The following TNKS variants were observed in gnomAD, a reference collection of about 807,000 sequenced individuals.
The protein encoded by TNKS is poly [ADP-ribose] polymerase tankyrase-1.
A neutral mutation model predicts 135.8 loss-of-function variants in TNKS; 72 were observed. The ratio of observed to expected loss-of-function variants is 0.53; its 90% confidence interval spans 0.44 to 0.64. TNKS has a LOEUF of 0.64. Ranked by LOEUF, TNKS falls within the 30% of genes least tolerant of loss-of-function variation. The pLI is 0.00. For synonymous variants in TNKS, 849 were observed against 649.3 expected, an observed-to-expected ratio of 1.31 and a Z score of -4.68; for missense variants, 1,769 against 1,674.0, an observed-to-expected ratio of 1.06 and a Z score of -0.99.
chr8:9,770,289 C>A (rs776547317), intron 26 of TNKS, 27 bp downstream of exon 26: 11 of 1,591,958 alleles, frequency 6.9e-6, no homozygotes, highest in Non-Finnish European at 9.4e-6. Flanking sequence ...ACAAGCATAA[C>A]CAAGTTCACA....
chr8:9,588,907 A>C (rs893087417), intron 2 of TNKS, among the ~76,000 whole-genome samples: 1 of 152,214 alleles, frequency 6.6e-6, no homozygotes, highest in Non-Finnish European at 1.5e-5. Context: ...TAGACTAGGA[A>C]GAAGAAGCTT....
chr8:9,598,298 C>T (rs1217751114), intron 2 of TNKS, among the ~76,000 whole-genome samples: 8 of 151,998 alleles, frequency 5.3e-5, no homozygotes, highest in African/African-American at 1.7e-4. Flanking sequence ...CCGCCTGCCT[C>T]GGCGTCCCAA....
chr8:9,697,351 G>A (rs372457862), intron 5 of TNKS, among the ~76,000 whole-genome samples: 33 of 152,106 alleles, frequency 2.2e-4, no homozygotes, highest in Admixed American at 2.2e-3. Context: ...AAAAATTCTA[G>A]AGAAAAACCT....
chr8:9,663,708 C>A (rs1801844927), intron 3 of TNKS, among the ~76,000 whole-genome samples: 1 of 152,094 alleles, frequency 6.6e-6, no homozygotes, highest in Non-Finnish European at 1.5e-5. Flanking sequence ...GCTAGTGGTG[C>A]CCACAGAACT....
Position 9,734,973 on chromosome 8 carries a change from T to C in TNKS, c.2422T>C (p.Leu808=). The C allele has an allele frequency of 6.2e-7, 1 of 1,614,186 alleles. No individual in the cohort carries two copies. The highest frequency in any genetic ancestry group is 1.1e-5 in the South Asian group (1 of 91,076). ...QDLLRGDAAL[L]DAAKKGCLAR... is the part of the protein sequence containing the mutation. ...CTTACTGAGAGGGGATGCTGCTTTG[T>C]TGGATGCTGCCAAGAAGGGCTGCCT... Residue 808 remains leucine, a synonymous_variant, in exon 16 of 27, where the codon TTG becomes CTG. Coordinates refer to ENST00000310430, the MANE Select transcript of TNKS (RefSeq NM_003747.3).
chr8:9,741,792 C>T (rs142969458), intron 17 of TNKS: 143 of 478,522 alleles, frequency 3.0e-4, no homozygotes, highest in Non-Finnish European at 5.1e-4. Flanking sequence ...TTCACGTTCC[C>T]TTGAGGCTGA....
Position 9,600,544 on chromosome 8 carries a change from C to T in TNKS, c.899-15038C>T, listed in dbSNP as rs180955102. ...ACCGGGATGGTCTTGAACTCCTGGGCTCAAGCGATCTGTTGGTCTCGGCCT... is the reference window on the plus strand; with the variant it reads ...ACCGGGATGGTCTTGAACTCCTGGGTTCAAGCGATCTGTTGGTCTCGGCCT... On this transcript the variant is annotated intron_variant, in intron 2 of 26. Transcript: ENST00000310430. Among the ~76,000 whole-genome samples the T allele has an allele frequency of 3.9e-5, 6 of 152,238 alleles. No homozygotes were observed. In the East Asian group the frequency reaches 1.2e-3, roughly 29 times the overall value.
At chr8:9,571,975 A>G (rs1362630485) in intron 1 of TNKS, among the ~76,000 whole-genome samples, 2 of 152,174 alleles carry the variant, frequency 1.3e-5, no homozygotes, top group Non-Finnish European at 2.9e-5. Flanking sequence ...GAAGGTCTCT[A>G]TCCCAGACTT....
intron 2 of TNKS, among the ~76,000 whole-genome samples, chr8:9,610,248 AGTAATGT>A (rs760222665): frequency 1.1e-4 from 16 of 152,256 alleles, no homozygotes; most frequent in Non-Finnish European, 2.2e-4. Context: ...TGCTATAATA[AGTAATGT>A]GTATTTTGGA....
chr8:9,752,801 A>AT (rs2128828993), intron 20 of TNKS, among the ~76,000 whole-genome samples, 175 bp downstream of exon 20: 1 of 152,068 alleles, frequency 6.6e-6, no homozygotes, highest in Admixed American at 6.5e-5. Flanking sequence ...ACAAAAAAAA[A>AT]AGTTTTTAAG....
chr8:9,674,630 T>A (rs1049176953), intron 3 of TNKS, among the ~76,000 whole-genome samples: 1 of 152,174 alleles, frequency 6.6e-6, no homozygotes, highest in Non-Finnish European at 1.5e-5. Flanking sequence ...ATGGCTGGTG[T>A]GACTGATGAA....
At chr8:9,667,787 A>C (rs1426007287) in intron 3 of TNKS, among the ~76,000 whole-genome samples, 1 of 148,796 alleles carries the variant, frequency 6.7e-6, no homozygotes, top group Non-Finnish European at 1.5e-5. Context: ...GTTAGATTTC[A>C]TTGACTTTAG....
chr8:9,629,917 T>A (rs982524915), intron 3 of TNKS, among the ~76,000 whole-genome samples: 1 of 151,894 alleles, frequency 6.6e-6, no homozygotes, highest in Non-Finnish European at 1.5e-5. Flanking sequence ...CTCCTGACCT[T>A]GTGATCCGCC....
At chr8:9,729,030 G>C (rs999469126) in intron 13 of TNKS, among the ~76,000 whole-genome samples, 3 of 152,172 alleles carry the variant, frequency 2.0e-5, no homozygotes, top group Non-Finnish European at 2.9e-5. Context: ...CCAGGTACTC[G>C]TAGGCTTAGT....
At position 9,617,456 on chromosome 8, in the gene TNKS, C is replaced by A. The variant is rs1799689005; in HGVS notation, c.994+1779C>A. Among the ~76,000 whole-genome samples, 3 of 152,246 alleles carry A rather than the reference C, an allele frequency of 2.0e-5. No homozygotes were observed. In the South Asian group the frequency reaches 6.2e-4, roughly 32 times the overall value. Reference sequence around the variant, plus strand: ...GAATATCTACTTTTTTGGAAATGATCTACAGCTTTTCAGATGTGATTTAAA... The same window carrying A: ...GAATATCTACTTTTTTGGAAATGATATACAGCTTTTCAGATGTGATTTAAA... On this transcript the variant is annotated intron_variant, in intron 3 of 26. Coordinates refer to ENST00000310430, the MANE Select transcript of TNKS (RefSeq NM_003747.3).
intron 24 of TNKS, 93 bp from the exon 25 acceptor site, chr8:9,766,146 T>A (rs1389766888): frequency 5.5e-6 from 6 of 1,084,898 alleles, no homozygotes; most frequent in African/African-American, 3.1e-5. Context: ...CATTCATTTC[T>A]TAATATTAAC....
At chr8:9,670,984 C>T (rs1473409731) in intron 3 of TNKS, 2 of 152,118 alleles carry the variant, frequency 1.3e-5, no homozygotes, top group African/African-American at 4.8e-5. Context: ...ATGCAGATAA[C>T]AAGTGAGAAG....
At position 9,660,512 on chromosome 8, in the gene TNKS, A is replaced by G. The variant is rs191085506; in HGVS notation, c.995-19439A>G. Among the ~76,000 whole-genome samples the G allele has an allele frequency of 7.7e-3, 1,174 of 152,348 alleles. 14 individuals are homozygous for G. The highest frequency in any genetic ancestry group is 0.026 in the African/African-American group (1,101 of 41,582). ...CACATGATTATCTCAATAGATGCAG[A>G]AAAGGCCTTTGACAAAATTCAACAA... On this transcript the variant is annotated intron_variant, in intron 3 of 26. Coordinates refer to ENST00000310430, the MANE Select transcript of TNKS (RefSeq NM_003747.3).
At chr8:9,584,036 C>T (rs1585196846) in intron 2 of TNKS, among the ~76,000 whole-genome samples, 1 of 151,400 alleles carries the variant, frequency 6.6e-6, no homozygotes, top group South Asian at 2.1e-4. Flanking sequence ...TGGTGGTGGG[C>T]GCCTGTAGTC....
Sources: allele counts gnomAD v4.1 joint callset (sites outside exome capture counted in the v4.1 genomes callset), GRCh38; gene constraint gnomAD v4.1.1; transcripts MANE v1.5; gene names NCBI Gene and HGNC (gene_info 2026-07-23, HGNC 2026-07-21).